Variants in WDR19 observed in about 807,000 individuals in gnomAD.
WDR19 encodes the protein WD repeat domain 19, also known as WD repeat-containing protein 19.
In WDR19, 121 loss-of-function variants were observed where a neutral mutation model predicts 180.0. That is an observed-to-expected ratio of 0.67 (90% CI 0.58 to 0.78). WDR19 has a LOEUF of 0.78. Ranked by LOEUF, WDR19 falls within the 30% of genes least tolerant of loss-of-function variation. WDR19 has a pLI of 0.00. For synonymous variants in WDR19, 497 were observed against 540.7 expected (o/e 0.92, Z 1.12); for missense variants, 1,450 against 1,640.7 (o/e 0.88, Z 2.01).
rs766452241 is a variant in WDR19 at position 39,270,025 on chromosome 4, G to A, written c.3408G>A (p.Leu1136=). ...HDVLFSMYAE[L]KSQKIKIPSE... The stretch of plus-strand genomic sequence containing the variant: ...TTCTCTTCAGTATGTATGCAGAACT[G>A]AAATCCCAGAAGATCAAAATTCCCT... Residue 1136 remains leucine, a synonymous_variant, in exon 31 of 37, where the codon CTG becomes CTA. Coordinates refer to ENST00000399820, the MANE Select transcript of WDR19 (RefSeq NM_025132.4). 1.2e-6 allele frequency: 2 copies of A among 1,613,812 alleles called. No individual in the cohort carries two copies. Among genetic ancestry groups the A allele is most frequent in the Non-Finnish European group, 1.7e-6 (2 of 1,179,856 alleles).
At chr4:39,228,762 A>G in intron 17 of WDR19, 72 bp downstream of exon 17, 6 of 1,403,076 alleles carry the variant, frequency 4.3e-6, no homozygotes, top group Non-Finnish European at 5.7e-6. Context: ...TCCTATAATT[A>G]TTCTATCTTA....
chr4:39,281,234 T>G (rs4998396), intron 36 of WDR19, among the ~76,000 whole-genome samples: 21,350 of 107,314 alleles, frequency 0.2, 2,169 homozygotes, highest in Middle Eastern at 0.24. Context: ...TATATATATA[T>G]ATAGAGAGAG....
At chr4:39,227,515 T>C (rs1046561596) in intron 15 of WDR19, among the ~76,000 whole-genome samples, 4 of 152,356 alleles carry the variant, frequency 2.6e-5, no homozygotes, top group African/African-American at 9.6e-5. Context: ...TTGTTGTCTA[T>C]ATTCCCCATA....
intron 17 of WDR19, among the ~76,000 whole-genome samples, chr4:39,229,609 A>T (rs1467871055): frequency 6.6e-6 from 1 of 151,646 alleles, no homozygotes; most frequent in Non-Finnish European, 1.5e-5. Flanking sequence ...TGACGTTCTA[A>T]TTCTTCCGAG....
chr4:39,215,717 T>G (rs1192196016), intron 10 of WDR19, 124 bp from the exon 11 acceptor site: 3 of 1,056,596 alleles, frequency 2.8e-6, no homozygotes, highest in African/African-American at 1.6e-5. Context: ...AAAAAACTAC[T>G]TAAACTAGTA....
chr4:39,214,974 T>C (rs992447793), intron 10 of WDR19, among the ~76,000 whole-genome samples: 3 of 152,162 alleles, frequency 2.0e-5, no homozygotes, highest in Non-Finnish European at 4.4e-5. Flanking sequence ...GGTTTCACCA[T>C]GTTGGCCAGG....
chr4:39,251,763 A>G (rs531877507), intron 24 of WDR19, among the ~76,000 whole-genome samples: 2 of 152,340 alleles, frequency 1.3e-5, no homozygotes, highest in African/African-American at 2.4e-5. Context: ...AAAAATGCTC[A>G]TCATCACTGG....
chr4:39,217,318 T>C, intron 13 of WDR19, 78 bp downstream of exon 13: 1 of 1,222,850 alleles, frequency 8.2e-7, no homozygotes, highest in Non-Finnish European at 1.2e-6. Flanking sequence ...AGAATATTGG[T>C]CAGGAAGCAA....
intron 26 of WDR19, among the ~76,000 whole-genome samples, chr4:39,255,239 T>G (rs1013087046): frequency 9.9e-5 from 15 of 151,990 alleles, no homozygotes; most frequent in Non-Finnish European, 1.6e-4. Flanking sequence ...TGGTGGGGGG[T>G]GTGTGGGCCT....
Position 39,207,886 on chromosome 4 carries a change from TA to T in WDR19, c.890+2160del, listed in dbSNP as rs532129418. Among the ~76,000 whole-genome samples, 119 of 150,120 alleles carry T rather than the reference TA, an allele frequency of 7.9e-4. 1 individual carries two copies. Among genetic ancestry groups the T allele is most frequent in the East Asian group, 4.1e-3 (21 of 5,122 alleles). The stretch of plus-strand genomic sequence containing the variant: ...GATCTTTAACGTATATGTGATGGTT[TA>T]AAAAAAAAATTATAATATTGCTCAG... On this transcript the variant is annotated intron_variant, in intron 9 of 36. Coordinates refer to ENST00000399820, the MANE Select transcript of WDR19 (RefSeq NM_025132.4).
intron 26 of WDR19, among the ~76,000 whole-genome samples, chr4:39,255,040 A>G (rs1032377244): frequency 6.6e-6 from 1 of 152,206 alleles, no homozygotes; most frequent in Admixed American, 6.5e-5. Context: ...GACTTCTTGC[A>G]AAGTTATTAA....
chr4:39,205,703 C>T lies in WDR19; in HGVS notation c.857C>T (p.Thr286Ile). 6.2e-7 allele frequency: 1 copy of T among 1,608,202 alleles called. No homozygotes were observed. Among genetic ancestry groups the T allele is most frequent in the Non-Finnish European group, 8.5e-7 (1 of 1,177,008 alleles). Residue 286 changes from threonine to isoleucine, a missense_variant, in exon 9 of 37, where the codon ACT becomes ATT. Physicochemically the swap from Thr to Ile is moderately conservative, Grantham distance 89 (BLOSUM62 -1). Coordinates refer to ENST00000399820, the MANE Select transcript of WDR19 (RefSeq NM_025132.4). ...DNLTSIAVSQ[T>I]LNKVATCGDN... The stretch of plus-strand genomic sequence containing the variant: ...CTAACCAGCATTGCAGTATCACAGA[C>T]TCTTAACAAAGTTGCTACATGTGGA...
Position 39,278,622 on chromosome 4 carries a change from A to C in WDR19, c.4001A>C (p.Gln1334Pro), listed in dbSNP as rs777270395. ...CTGAAAAAGATTTCAGACTGTACCC[A>C]GTACCTGCGAACGGAGGAGGAACTG... ...AQLKKISDCTQYLRTEEEL is the reference protein window; with the variant it reads ...AQLKKISDCTPYLRTEEEL The change falls in exon 36 of 37, where the codon CAG (glutamine) becomes CCG (proline). Residue 1334 changes from glutamine to proline, a missense_variant. Coordinates refer to ENST00000399820, the MANE Select transcript of WDR19 (RefSeq NM_025132.4). 8.7e-6 allele frequency: 14 copies of C among 1,613,046 alleles called. No homozygotes were observed. In the South Asian group the frequency reaches 1.4e-4, roughly 16 times the overall value.
rs181078448 is a variant in WDR19, at chr4:39,240,765, T to C, written c.2421+431T>C. The stretch of plus-strand genomic sequence containing the variant: ...AGGAGTTCAAGACCAGCCTGGCCAA[T>C]ATGGTGAAACCCCATCTCTACTAAA... On this transcript the variant is annotated intron_variant, in intron 21 of 36. Coordinates refer to ENST00000399820, the MANE Select transcript of WDR19 (RefSeq NM_025132.4). Among the ~76,000 whole-genome samples, 1,293 of 151,442 alleles carry C rather than the reference T, an allele frequency of 8.5e-3. 17 individuals are homozygous for C. Among genetic ancestry groups the C allele is most frequent in the African/African-American group, 0.029 (1,206 of 41,318 alleles).
chr4:39,275,227 C>G (rs1735782439), intron 33 of WDR19: 1 of 401,780 alleles, frequency 2.5e-6, no homozygotes, highest in South Asian at 2.1e-5. Flanking sequence ...GTAGTCCCAG[C>G]TACTCAGGAG....
chr4:39,247,497 T>C (rs1487455993), intron 24 of WDR19, among the ~76,000 whole-genome samples: 4 of 152,082 alleles, frequency 2.6e-5, no homozygotes, highest in Admixed American at 6.6e-5. Context: ...TGAACAAAGC[T>C]GGACAGAGAA....
chr4:39,232,406 C>T (rs1027384839), intron 19 of WDR19, 134 bp downstream of exon 19: 5 of 686,868 alleles, frequency 7.3e-6, no homozygotes, highest in South Asian at 4.0e-5. Context: ...GGATGGATCG[C>T]CTGAGGTCAG....
At chr4:39,277,368 G>A (rs554727536) in intron 34 of WDR19, among the ~76,000 whole-genome samples, 5 of 152,224 alleles carry the variant, frequency 3.3e-5, no homozygotes, top group South Asian at 4.2e-4. Flanking sequence ...GCACAGACTC[G>A]GGGATCAGAC....
chr4:39,281,205 A>ATGTGTGTGTGTGTGTGTGTGTGTGTGTG lies in WDR19; in HGVS notation c.*13+2553_*13+2554insGTGTGTGTGTGTGTGTGTGTGTGTGTGT, dbSNP rs144111830. 2.7e-5 allele frequency among the ~76,000 whole-genome samples: 3 copies of ATGTGTGTGTGTGTGTGTGTGTGTGTGTG among 110,468 alleles called. 1 individual carries two copies. Among genetic ancestry groups the ATGTGTGTGTGTGTGTGTGTGTGTGTGTG allele is most frequent in the African/African-American group, 9.6e-5 (2 of 20,778 alleles). 72.5% of individuals were successfully genotyped at this position (110,468 alleles called of 152,430 possible). A position where few individuals can be genotyped will look rare whatever the true frequency, so the allele number is the denominator to read the frequency against. On this transcript the variant is annotated intron_variant, in intron 36 of 36. Transcript: ENST00000399820. ...ATTGCCTTCTTTGTCCTAAATATAT[A>ATGTGTGTGTGTGTGTGTGTGTGTGTGTG]TGTGTGTGTGTATATATATATATAT... is the stretch of plus-strand genomic sequence containing the variant.
Sources: allele counts gnomAD v4.1 joint callset (sites outside exome capture counted in the v4.1 genomes callset), GRCh38; gene constraint gnomAD v4.1.1; transcripts MANE v1.5; gene names NCBI Gene and HGNC (gene_info 2026-07-23, HGNC 2026-07-21).